Variants in BMPR1B observed in about 807,000 individuals in gnomAD.
The protein encoded by BMPR1B is bone morphogenetic protein receptor type-1B.
In BMPR1B, 12 loss-of-function variants were observed where a neutral mutation model predicts 59.1. The observed-to-expected ratio is 0.20, with a 90% confidence interval of 0.13 to 0.33. BMPR1B has a LOEUF of 0.33. Among genes scored for constraint, BMPR1B ranks in the 10% least tolerant of loss-of-function variants. The probability of loss-of-function intolerance (pLI) is 1.00; values close to 1 mark genes in which losing one functional copy is unlikely to be tolerated. For missense variants in BMPR1B, 550 were observed against 610.9 expected, an observed-to-expected ratio of 0.90 and a Z score of 1.05; for synonymous variants, 237 against 207.3, an observed-to-expected ratio of 1.14 and a Z score of -1.23.
At chr4:95,027,057 G>A (rs1292268066) in intron 3 of BMPR1B, among the ~76,000 whole-genome samples, 1 of 151,970 alleles carries the variant, frequency 6.6e-6, no homozygotes, top group Non-Finnish European at 1.5e-5. Flanking sequence ...GAGCCACTAT[G>A]CTCAGCCAAG....
At chr4:95,032,635 T>A (rs1724954265) in intron 3 of BMPR1B, among the ~76,000 whole-genome samples, 1 of 152,226 alleles carries the variant, frequency 6.6e-6, no homozygotes, top group African/African-American at 2.4e-5. Flanking sequence ...ATGTTTTTGC[T>A]ACTAGCTTAT....
intron 3 of BMPR1B, among the ~76,000 whole-genome samples, chr4:95,057,620 T>C (rs977531493): frequency 1.3e-5 from 2 of 152,096 alleles, no homozygotes; most frequent in Non-Finnish European, 2.9e-5. Context: ...ATTGCCAGTG[T>C]AATCCAAACC....
chr4:94,758,211 C>A, intron 1 of BMPR1B, 143 bp downstream of exon 1: 1 of 150,620 alleles, frequency 6.6e-6, no homozygotes, highest in South Asian at 1.8e-4. Context: ...GGGCGGCGGT[C>A]GCCCTAGGCA....
chr4:94,820,672 T>G (rs1017950341), intron 1 of BMPR1B, among the ~76,000 whole-genome samples: 7 of 152,220 alleles, frequency 4.6e-5, no homozygotes, highest in African/African-American at 1.7e-4. Flanking sequence ...GTACGTAGAC[T>G]CAGATTGTAA....
intron 1 of BMPR1B, among the ~76,000 whole-genome samples, chr4:94,874,542 T>G (rs77368694): frequency 0.016 from 2,417 of 152,258 alleles, 44 homozygotes; most frequent in East Asian, 0.083. Flanking sequence ...TAATTGTGAT[T>G]TATACATTTT....
intron 3 of BMPR1B, among the ~76,000 whole-genome samples, chr4:95,007,898 A>G (rs923802220): frequency 2.0e-5 from 3 of 152,218 alleles, no homozygotes; most frequent in Admixed American, 6.5e-5. Flanking sequence ...TCATTTAAGA[A>G]AAAAGTTATG....
At chr4:94,981,012 C>CGT (rs1721044332) in intron 2 of BMPR1B, among the ~76,000 whole-genome samples, 1 of 10,372 alleles carries the variant, frequency 9.6e-5, no homozygotes, top group Admixed American at 1.1e-3. Context: ...CACACACACA[C>CGT]ACACACACAC....
At chr4:94,945,768 G>A (rs767899372) in intron 2 of BMPR1B, among the ~76,000 whole-genome samples, 26 of 152,226 alleles carry the variant, frequency 1.7e-4, no homozygotes, top group Non-Finnish European at 2.8e-4. Context: ...TTATATTTTT[G>A]TGTAATAATA....
chr4:94,842,115 C>G (rs942610925), intron 1 of BMPR1B, among the ~76,000 whole-genome samples: 1 of 152,066 alleles, frequency 6.6e-6, no homozygotes, highest in African/African-American at 2.4e-5. Flanking sequence ...TAGCCTGAAG[C>G]ACAAATTATT....
At chr4:94,942,666 A>G (rs982085332) in intron 2 of BMPR1B, among the ~76,000 whole-genome samples, 4 of 152,230 alleles carry the variant, frequency 2.6e-5, no homozygotes, top group Non-Finnish European at 5.9e-5. Context: ...GTCATCTTAT[A>G]GCTGATACCA....
chr4:95,125,202 A>G, intron 8 of BMPR1B, 81 bp downstream of exon 8: 3 of 1,553,808 alleles, frequency 1.9e-6, no homozygotes, highest in Non-Finnish European at 2.6e-6. Flanking sequence ...CACTTACTGA[A>G]ATAGGGCACT....
At chr4:94,917,658 G>A (rs910553763) in intron 2 of BMPR1B, among the ~76,000 whole-genome samples, 6 of 152,246 alleles carry the variant, frequency 3.9e-5, no homozygotes, top group South Asian at 2.1e-4. Context: ...TTACAGGCTC[G>A]TAGGCAGAAG....
intron 2 of BMPR1B, among the ~76,000 whole-genome samples, chr4:94,885,823 G>T (rs1226321910): frequency 6.6e-6 from 1 of 152,072 alleles, no homozygotes; most frequent in Admixed American, 6.5e-5. Flanking sequence ...AAGAAAACAT[G>T]AATCCAGAAA....
chr4:94,841,183 A>T (rs1227729206), intron 1 of BMPR1B, among the ~76,000 whole-genome samples: 1 of 149,692 alleles, frequency 6.7e-6, no homozygotes, highest in Non-Finnish European at 1.5e-5. Context: ...TGACAGGGAC[A>T]TTTAAGTCTG....
intron 2 of BMPR1B, among the ~76,000 whole-genome samples, chr4:94,969,796 C>T (rs1730702916): frequency 6.6e-6 from 1 of 152,074 alleles, no homozygotes; most frequent in Non-Finnish European, 1.5e-5. Context: ...ATCTTTAGTT[C>T]TGATAGCAGT....
intron 2 of BMPR1B, among the ~76,000 whole-genome samples, chr4:94,919,056 A>G (rs1728592040): frequency 6.6e-6 from 1 of 152,044 alleles, no homozygotes; most frequent in South Asian, 2.1e-4. Context: ...GTTTGCCTTT[A>G]ATGTTGAAGA....
intron 2 of BMPR1B, among the ~76,000 whole-genome samples, chr4:94,943,003 A>T (rs1451788610): frequency 6.6e-6 from 1 of 152,184 alleles, no homozygotes; most frequent in Non-Finnish European, 1.5e-5. Flanking sequence ...CCACAATTAA[A>T]TTTTGACCCT....
chr4:94,913,645 A>ATC (rs982850789), intron 2 of BMPR1B, among the ~76,000 whole-genome samples: 2 of 149,952 alleles, frequency 1.3e-5, no homozygotes, highest in African/African-American at 5.1e-5. Flanking sequence ...CTAATTAATT[A>ATC]TCTCTGTGTG....
chr4:95,103,743 G>T (rs369388999), intron 3 of BMPR1B, among the ~76,000 whole-genome samples: 42 of 152,120 alleles, frequency 2.8e-4, no homozygotes, highest in African/African-American at 1.0e-3. Context: ...TTCTATCAAA[G>T]ATGGTAGAAA....
Sources: gnomAD v4.1 joint callset for allele counts (sites outside exome capture counted in the v4.1 genomes callset) on GRCh38, gnomAD v4.1.1 for gene constraint, MANE v1.5 for transcripts, NCBI Gene and HGNC (gene_info 2026-07-23, HGNC 2026-07-21) for gene names.